The following BRSK2 variants were observed in gnomAD, a reference collection of about 807,000 sequenced individuals.
The protein encoded by BRSK2 is serine/threonine-protein kinase BRSK2.
In BRSK2, 19 loss-of-function variants were observed where a neutral mutation model predicts 83.3. That is an observed-to-expected ratio of 0.23 (90% CI 0.16 to 0.33). BRSK2 has a LOEUF of 0.33. BRSK2 is among the 10% of genes least tolerant of loss of function. The pLI is 1.00. For missense variants in BRSK2, 798 were observed against 1,042.3 expected, an observed-to-expected ratio of 0.77 and a Z score of 3.23; for synonymous variants, 519 against 435.4, an observed-to-expected ratio of 1.19 and a Z score of -2.39.
rs183774128 is a variant in BRSK2 at position 1,443,620 on chromosome 11, C to T, written c.765C>T (p.Ala255=). 773 of 1,601,830 alleles carry T rather than the reference C, an allele frequency of 4.8e-4. 5 individuals are homozygous for T. In the African/African-American group the frequency reaches 9.2e-3, roughly 19 times the overall value. Residue 255 remains alanine (A), a synonymous_variant, in exon 8 of 20, where the codon GCC becomes GCT. Transcript: ENST00000528841. Reference sequence around the variant, plus strand: ...TACGGGGCATGATCGAGGTGGACGCCGCACGCCGCCTCACGGTGCGTGCCC... The same window carrying T: ...TACGGGGCATGATCGAGGTGGACGCTGCACGCCGCCTCACGGTGCGTGCCC... ...SLLRGMIEVD[A]ARRLTLEHIQ...
intron 1 of BRSK2, chr11:1,409,569 G>C (rs61867656): frequency 0.41 from 62,823 of 152,002 alleles, 13,699 homozygotes; most frequent in Non-Finnish European, 0.46. Context: ...GTGTCTGTGC[G>C]GTGTGGTTCT....
chr11:1,453,539 G>A (rs186269796), intron 15 of BRSK2, among the ~76,000 whole-genome samples: 1 of 152,358 alleles, frequency 6.6e-6, no homozygotes, highest in Admixed American at 6.5e-5. Context: ...ACAGACAGCC[G>A]CCGAGACCGG....
intron 8 of BRSK2, 43 bp from the exon 9 acceptor site, chr11:1,444,928 C>T (rs552214117): frequency 3.9e-5 from 62 of 1,591,760 alleles, no homozygotes; most frequent in South Asian, 1.3e-4. Flanking sequence ...GGGCTCTTTC[C>T]GTCCCTCGTC....
chr11:1,399,849 T>G (rs1846357443), intron 1 of BRSK2, among the ~76,000 whole-genome samples: 1 of 152,122 alleles, frequency 6.6e-6, no homozygotes, highest in Non-Finnish European at 1.5e-5. Flanking sequence ...ACCCCAGCTC[T>G]GTGGTTCCCG....
chr11:1,449,449 C>T (rs552142142), intron 12 of BRSK2, among the ~76,000 whole-genome samples: 39 of 152,326 alleles, frequency 2.6e-4, no homozygotes, highest in African/African-American at 6.7e-4. Context: ...AGGAAGCTCC[C>T]GTCTGTCCCC....
rs1273496791 is a variant in BRSK2 at position 1,460,805 on chromosome 11, C to T, written c.*82C>T. 7.5e-6 allele frequency: 11 copies of T among 1,472,512 alleles called. No individual in the cohort carries two copies. The highest frequency in any genetic ancestry group is 3.9e-5 in the South Asian group (3 of 77,198). The allele number at this position is 1,472,512 out of a possible 1,614,324, so 91.2% of individuals were successfully genotyped here. On this transcript the variant is annotated 3_prime_UTR_variant, in exon 20 of 20. Transcript: ENST00000528841. ...GCCCGCCCTGCCCCGAGTGGACCCG[C>T]GGCCGCGCCGCCCGTCCGTCCAGAC...
intron 16 of BRSK2, among the ~76,000 whole-genome samples, chr11:1,455,646 G>A (rs972407052): frequency 2.0e-5 from 3 of 151,788 alleles, no homozygotes; most frequent in African/African-American, 4.8e-5. Flanking sequence ...GGTCCTCAGC[G>A]TCCCCGTCCC....
chr11:1,401,829 G>T (rs530215475), intron 1 of BRSK2, among the ~76,000 whole-genome samples: 62 of 152,398 alleles, frequency 4.1e-4, no homozygotes, highest in African/African-American at 1.5e-3. Flanking sequence ...CTCCCGCGAG[G>T]GCGCCTGCCT....
At chr11:1,455,221 C>T (rs1438862932) in intron 16 of BRSK2, among the ~76,000 whole-genome samples, 1 of 152,094 alleles carries the variant, frequency 6.6e-6, no homozygotes, top group African/African-American at 2.4e-5. Flanking sequence ...AGGACTCCAG[C>T]ACCCAGTCCC....
chr11:1,452,098 G>C (rs1477996429), intron 15 of BRSK2, among the ~76,000 whole-genome samples: 3 of 152,234 alleles, frequency 2.0e-5, no homozygotes, highest in Non-Finnish European at 4.4e-5. Context: ...GGCAGCGGCA[G>C]AGAGCGGCGG....
At chr11:1,415,094 C>CTTTTTTT (rs34102200) in intron 1 of BRSK2, among the ~76,000 whole-genome samples, 1 of 128,630 alleles carries the variant, frequency 7.8e-6, no homozygotes, top group Non-Finnish European at 1.6e-5. Context: ...CTGTCTTTAC[C>CTTTTTTT]TTTTTTTTTT....
intron 1 of BRSK2, among the ~76,000 whole-genome samples, chr11:1,433,742 C>T (rs1380628690): frequency 6.6e-6 from 1 of 152,240 alleles, no homozygotes; most frequent in Non-Finnish European, 1.5e-5. Flanking sequence ...CTGAGCGAAT[C>T]ACAAGCCTTG....
chr11:1,414,746 C>T (rs534114769), intron 1 of BRSK2, among the ~76,000 whole-genome samples: 1 of 152,308 alleles, frequency 6.6e-6, no homozygotes, highest in Admixed American at 6.5e-5. Context: ...GTTCTCTTGC[C>T]CCTCCTCCAT....
At chr11:1,449,935 A>G in intron 13 of BRSK2, 99 bp downstream of exon 13, 1 of 842,412 alleles carries the variant, frequency 1.2e-6, no homozygotes, top group Non-Finnish European at 1.9e-6. Flanking sequence ...GGACCCTGGG[A>G]AGCAGCCCCA....
intron 19 of BRSK2, 128 bp from the exon 20 acceptor site, chr11:1,460,372 T>A: frequency 9.3e-7 from 1 of 1,070,952 alleles, no homozygotes; most frequent in Non-Finnish European, 1.3e-6. Flanking sequence ...CTTTCCCTCG[T>A]CGAGGCCTCT....
At chr11:1,433,536 G>A (rs150444202) in intron 1 of BRSK2, among the ~76,000 whole-genome samples, 13 of 152,400 alleles carry the variant, frequency 8.5e-5, no homozygotes, top group African/African-American at 3.1e-4. Flanking sequence ...CACGGACCAC[G>A]CCTTAGCCTT....
intron 1 of BRSK2, among the ~76,000 whole-genome samples, chr11:1,428,920 C>T (rs528197113): frequency 2.8e-5 from 4 of 144,924 alleles, no homozygotes; most frequent in African/African-American, 1.0e-4. Context: ...CTTGTGTGCA[C>T]TGGAGGTGTG....
chr11:1,461,081 A>AGGCCC lies in BRSK2; in HGVS notation c.*359_*363dup. On this transcript the variant is annotated 3_prime_UTR_variant, in exon 20 of 20. Transcript: ENST00000528841. The stretch of plus-strand genomic sequence containing the variant: ...CTCCTGCTGTTGCTGCCGGGCAGTG[A>AGGCCC]GGCCCAGCCCAGCGCCCCGTCCACC... 5 of 1,567,368 alleles carry AGGCCC rather than the reference A, an allele frequency of 3.2e-6. No homozygotes were observed. The highest frequency in any genetic ancestry group is 2.3e-5 in the South Asian group (2 of 88,362).
Position 1,390,326 on chromosome 11 carries a change from G to T in BRSK2, c.42G>T (p.Gln14His). The change falls in exon 1 of 20, where the codon CAG becomes CAT. Residue 14 changes from glutamine (Q) to histidine (H), a missense_variant. Physicochemically the swap from Gln to His is conservative, Grantham distance 24. Around this residue, in one of 6 missense-constraint regions of BRSK2, gnomAD observed 33 missense variants for 30.8 expected, o/e 1.07. Transcript: ENST00000528841. This position sits in a 1 kb window ranked among gnomAD's most constrained non-coding sequence, Gnocchi z 6.8. ...AGGACGGCGGCGCGCAGCACGCGCA[G>T]TATGTTGGGCCCTACCGGCTGGAGA... Reference protein sequence around the residue: ...TGKDGGAQHAQYVGPYRLEKT... With the variant: ...TGKDGGAQHAHYVGPYRLEKT... 9.5e-7 allele frequency: 1 copy of T among 1,050,962 alleles called. No homozygotes were observed. Among genetic ancestry groups the T allele is most frequent in the Non-Finnish European group, 1.2e-6 (1 of 862,264 alleles). The allele number at this position is 1,050,962 out of a possible 1,614,324, so 65.1% of individuals were successfully genotyped here. A position where few individuals can be genotyped will look rare whatever the true frequency, so the allele number is the denominator to read the frequency against.
Sources: gnomAD v4.1 joint callset for allele counts (sites outside exome capture counted in the v4.1 genomes callset) on GRCh38, gnomAD v4.1.1 for gene constraint, gnomAD v4.1.1 regional missense constraint, Gnocchi (gnomAD v3.1) non-coding constraint, MANE v1.5 for transcripts, NCBI Gene and HGNC (gene_info 2026-07-23, HGNC 2026-07-21) for gene names.